DLGAP2: variants seen among roughly 807,000 people sequenced by gnomAD.
DLGAP2 encodes the protein DLG associated protein 2, also known as disks large-associated protein 2.
In DLGAP2, 26 loss-of-function variants were observed where a neutral mutation model predicts 100.3. The observed-to-expected ratio is 0.26, with a 90% confidence interval of 0.19 to 0.36. DLGAP2 has a LOEUF of 0.36. DLGAP2 is among the 10% of genes least tolerant of loss of function. The pLI, the probability that DLGAP2 is intolerant of heterozygous loss-of-function variation, is 1.00. For missense variants in DLGAP2, 1,858 were observed against 1,453.2 expected (o/e 1.28, Z -4.53); for synonymous variants, 886 against 630.1 (o/e 1.41, Z -6.08).
chr8:1,435,608 C>T (rs546561278), intron 3 of DLGAP2, among the ~76,000 whole-genome samples: 42 of 151,954 alleles, frequency 2.8e-4, no homozygotes, highest in African/African-American at 9.2e-4. Context: ...GGATACTGTA[C>T]GTTTCATTAT....
At chr8:1,224,242 G>C (rs915360502) in intron 2 of DLGAP2, among the ~76,000 whole-genome samples, 2 of 152,108 alleles carry the variant, frequency 1.3e-5, no homozygotes, top group Non-Finnish European at 2.9e-5. Flanking sequence ...TTTAATGTGG[G>C]TCAGGAAGAG....
intron 2 of DLGAP2, among the ~76,000 whole-genome samples, chr8:1,197,056 C>G (rs1357651066): frequency 6.6e-6 from 1 of 152,094 alleles, no homozygotes; most frequent in Non-Finnish European, 1.5e-5. Flanking sequence ...AGGCCTCGCC[C>G]AAGAAGAAGG....
chr8:962,403 G>A (rs1341695388), intron 2 of DLGAP2, among the ~76,000 whole-genome samples: 1 of 152,184 alleles, frequency 6.6e-6, no homozygotes, highest in African/African-American at 2.4e-5. Context: ...GTCAGCAGCT[G>A]CCAGTGCAAG....
At chr8:1,059,659 C>G (rs1167232112) in intron 2 of DLGAP2, among the ~76,000 whole-genome samples, 2 of 152,162 alleles carry the variant, frequency 1.3e-5, no homozygotes. Context: ...CTGGTGAATG[C>G]TTGTGGGTAG....
intron 2 of DLGAP2, chr8:1,248,599 G>T (rs1231314440): frequency 7.6e-6 from 1 of 131,246 alleles, no homozygotes; most frequent in Non-Finnish European, 1.7e-5. Flanking sequence ...GATCAGTGTA[G>T]GAGTGATGGT....
intron 3 of DLGAP2, among the ~76,000 whole-genome samples, chr8:1,387,144 T>C (rs1796239914): frequency 6.6e-6 from 1 of 151,990 alleles, no homozygotes; most frequent in African/African-American, 2.4e-5. Context: ...TCATTGACAG[T>C]AAGGAGGATG....
intron 4 of DLGAP2, among the ~76,000 whole-genome samples, chr8:1,511,765 G>A (rs146766408): frequency 0.013 from 1,957 of 152,088 alleles, 48 homozygotes; most frequent in African/African-American, 0.045. Flanking sequence ...TGGACGTAAG[G>A]TCTGTCTAGT....
intron 2 of DLGAP2, among the ~76,000 whole-genome samples, chr8:950,227 C>T (rs1799444111): frequency 6.6e-6 from 1 of 152,170 alleles, no homozygotes; most frequent in South Asian, 2.1e-4. Context: ...GATGCAGCTT[C>T]TTGATAACAT....
intron 2 of DLGAP2, among the ~76,000 whole-genome samples, chr8:1,066,039 G>A (rs1466042882): frequency 4.6e-5 from 7 of 152,244 alleles, no homozygotes; most frequent in African/African-American, 1.2e-4. Context: ...GGCTAGGTCC[G>A]CTCGCTGGCT....
At chr8:762,956 C>T (rs73537479) in intron 1 of DLGAP2, among the ~76,000 whole-genome samples, 10,383 of 152,076 alleles carry the variant, frequency 0.068, 384 homozygotes, top group Non-Finnish European at 0.079. Context: ...GGATTACAGG[C>T]GTGAGCCACT....
At chr8:1,127,727 T>A (rs993567562) in intron 2 of DLGAP2, among the ~76,000 whole-genome samples, 28 of 152,182 alleles carry the variant, frequency 1.8e-4, no homozygotes, top group African/African-American at 6.3e-4. Flanking sequence ...AACTGCAGCT[T>A]TCAAGAAAAC....
At chr8:914,438 T>G (rs941722718) in intron 2 of DLGAP2, among the ~76,000 whole-genome samples, 10 of 152,258 alleles carry the variant, frequency 6.6e-5, no homozygotes, top group African/African-American at 2.4e-4. Context: ...GCTATTTAAT[T>G]CCTGCTAGAA....
chr8:1,344,245 C>G (rs1019037271), intron 3 of DLGAP2, among the ~76,000 whole-genome samples: 1 of 109,532 alleles, frequency 9.1e-6, no homozygotes, highest in Admixed American at 9.9e-5. Flanking sequence ...TAGCTGCACA[C>G]TTCGCCCAGT....
intron 1 of DLGAP2, among the ~76,000 whole-genome samples, chr8:759,190 C>T (rs1177029371): frequency 6.8e-5 from 9 of 132,906 alleles, no homozygotes; most frequent in South Asian, 6.1e-4. Context: ...ATACCCCCGA[C>T]AGCCTTCCCA....
chr8:852,055 G>A (rs1036183776), intron 1 of DLGAP2, among the ~76,000 whole-genome samples: 1 of 152,360 alleles, frequency 6.6e-6, no homozygotes, highest in African/African-American at 2.4e-5. Flanking sequence ...ACAAAGGCAT[G>A]CAGCCTCCTG....
chr8:1,676,550 T>C lies in DLGAP2; in HGVS notation c.2220T>C (p.Asp740=). Residue 740 remains aspartate (D), a synonymous_variant, in exon 11 of 15, where the codon GAT becomes GAC. Coordinates refer to ENST00000637795, the MANE Select transcript of DLGAP2 (RefSeq NM_001346810.2). ...YPRSDVETAT[D]SDTESRGLRE... ...TGAATTAGGTGGAAACGGCCACAGATTCTGACACGGAGAGCCGCGGTCTGC... is the reference window on the plus strand; with the variant it reads ...TGAATTAGGTGGAAACGGCCACAGACTCTGACACGGAGAGCCGCGGTCTGC... 6.2e-7 allele frequency: 1 copy of C among 1,613,472 alleles called. No homozygotes were observed. Among genetic ancestry groups the C allele is most frequent in the Non-Finnish European group, 8.5e-7 (1 of 1,179,706 alleles).
intron 1 of DLGAP2, among the ~76,000 whole-genome samples, chr8:898,106 C>T (rs1019000757): frequency 6.6e-6 from 1 of 152,176 alleles, no homozygotes; most frequent in Admixed American, 6.5e-5. Flanking sequence ...ATCAGGTCTA[C>T]GATACCCGTA....
chr8:1,114,480 G>A (rs961598137), intron 2 of DLGAP2, among the ~76,000 whole-genome samples: 1 of 152,076 alleles, frequency 6.6e-6, no homozygotes, highest in African/African-American at 2.4e-5. Flanking sequence ...TCTAGATTGT[G>A]TGCATAGAGG....
At chr8:1,434,253 G>A (rs543509028) in intron 3 of DLGAP2, among the ~76,000 whole-genome samples, 11 of 152,226 alleles carry the variant, frequency 7.2e-5, no homozygotes, top group Middle Eastern at 3.4e-3. Context: ...ATCTCGTTCC[G>A]TTTTCCTGCA....
Sources: gnomAD v4.1 joint callset for allele counts (sites outside exome capture counted in the v4.1 genomes callset) on GRCh38, gnomAD v4.1.1 for gene constraint, MANE v1.5 for transcripts, NCBI Gene and HGNC (gene_info 2026-07-23, HGNC 2026-07-21) for gene names.